Variants in ECT2L observed in about 807,000 individuals in gnomAD.
The protein encoded by ECT2L is epithelial cell-transforming sequence 2 oncogene-like.
Under a neutral mutation model 122.8 loss-of-function variants are expected in ECT2L, and 126 were observed. That is an observed-to-expected ratio of 1.03 (90% CI 0.89 to 1.19). The LOEUF is 1.19. ECT2L is among the 50% of genes most tolerant of loss of function. ECT2L has a pLI of 0.00. For missense variants in ECT2L, 1,012 were observed against 1,064.1 expected (o/e 0.95, Z 0.68); for synonymous variants, 385 against 381.8 (o/e 1.01, Z -0.10).
Position 138,902,550 on chromosome 6 carries a change from G to A in ECT2L, c.2638G>A (p.Ala880Thr), listed in dbSNP as rs746506729. Residue 880 changes from alanine (A) to threonine (T), a missense_variant, in exon 22 of 22, where the codon GCT becomes ACT. By Grantham distance (58) the Ala-to-Thr change is moderately conservative (BLOSUM62 0). Coordinates refer to ENST00000541398, the MANE Select transcript of ECT2L (RefSeq NM_001077706.3). ...LQGPKYKWIC[A>T]TEIEDDKFLW... is the part of the protein sequence containing the mutation. The stretch of plus-strand genomic sequence containing the variant: ...GGGTCCAAAATATAAATGGATTTGT[G>A]CTACAGAAATAGAGGATGATAAGTT... The A allele has an allele frequency of 7.7e-5, 125 of 1,613,616 alleles. No homozygotes were observed. The highest frequency in any genetic ancestry group is 1.0e-4 in the Non-Finnish European group (122 of 1,179,770).
chr6:138,797,311 T>C (rs1357041069), intron 1 of ECT2L, among the ~76,000 whole-genome samples: 1 of 152,226 alleles, frequency 6.6e-6, no homozygotes, highest in East Asian at 1.9e-4. Context: ...TAGAACCAGA[T>C]ACCTTTTTGG....
chr6:138,865,514 C>T (rs1778004191), intron 12 of ECT2L, among the ~76,000 whole-genome samples: 1 of 152,138 alleles, frequency 6.6e-6, no homozygotes, highest in African/African-American at 2.4e-5. Flanking sequence ...GAAAGTTAAG[C>T]GCCTCTTATA....
intron 13 of ECT2L, among the ~76,000 whole-genome samples, chr6:138,876,065 G>A (rs962680392): frequency 9.2e-5 from 14 of 152,142 alleles, no homozygotes; most frequent in African/African-American, 3.4e-4. Context: ...GTTGCAGTGA[G>A]CCGAGATTGT....
At chr6:138,836,762 T>C (rs991650144) in intron 4 of ECT2L, among the ~76,000 whole-genome samples, 1 of 152,160 alleles carries the variant, frequency 6.6e-6, no homozygotes, top group African/African-American at 2.4e-5. Context: ...ACGCCTGTTT[T>C]ATTCAATAGG....
chr6:138,838,512 C>A lies in ECT2L; in HGVS notation c.340C>A (p.Gln114Lys). The A allele has an allele frequency of 6.2e-7, 1 of 1,610,506 alleles. No homozygotes were observed. Among genetic ancestry groups the A allele is most frequent in the Non-Finnish European group, 8.5e-7 (1 of 1,178,720 alleles). The change falls in exon 5 of 22, where the codon CAG (glutamine) becomes AAG (lysine). Residue 114 changes from glutamine (Q) to lysine (K), a missense_variant and splice_region_variant. Coordinates refer to ENST00000541398, the MANE Select transcript of ECT2L (RefSeq NM_001077706.3). ...CTGGCCCTGGAAGTTTTTAACTGAA[C>A]AGGTTTACTATTTGCCACTTCCTAG... ...VSWPWKFLTE[Q>K]DCLWMPKCVK...
chr6:138,836,495 C>G (rs753048767), intron 4 of ECT2L, among the ~76,000 whole-genome samples: 10 of 151,952 alleles, frequency 6.6e-5, no homozygotes, highest in Non-Finnish European at 1.3e-4. Context: ...ACCACATTGG[C>G]CAGGCTGGTT....
chr6:138,807,489 C>T (rs1011288751), intron 1 of ECT2L, among the ~76,000 whole-genome samples: 3 of 152,084 alleles, frequency 2.0e-5, no homozygotes, highest in Non-Finnish European at 2.9e-5. Flanking sequence ...TACATAATGC[C>T]GGTCATCTTC....
rs988150488 is a variant in ECT2L at position 138,892,158 on chromosome 6, CT to C, written c.2414+3133del. 1.3e-5 allele frequency among the ~76,000 whole-genome samples: 2 copies of C among 152,126 alleles called. 1 individual carries two copies. The highest frequency in any genetic ancestry group is 2.9e-5 in the Non-Finnish European group (2 of 68,034). The stretch of plus-strand genomic sequence containing the variant: ...CCGATACCCCTACTTTGTCCCTGGT[CT>C]TTTTTCTGCTTTTCAGCTTGGTAAG... On this transcript the variant is annotated intron_variant, in intron 20 of 21. Coordinates refer to ENST00000541398, the MANE Select transcript of ECT2L (RefSeq NM_001077706.3).
chr6:138,798,600 C>T (rs1189425213), intron 1 of ECT2L, among the ~76,000 whole-genome samples: 1 of 152,142 alleles, frequency 6.6e-6, no homozygotes, highest in African/African-American at 2.4e-5. Context: ...CAGGCCCCAT[C>T]CTTCTTTTGA....
chr6:138,811,359 C>A (rs1331648223), intron 1 of ECT2L, among the ~76,000 whole-genome samples: 1 of 152,222 alleles, frequency 6.6e-6, no homozygotes, highest in Non-Finnish European at 1.5e-5. Context: ...AGACTGCAGT[C>A]CCCGCAAACA....
At chr6:138,871,008 C>T (rs971956848) in intron 13 of ECT2L, among the ~76,000 whole-genome samples, 3 of 152,082 alleles carry the variant, frequency 2.0e-5, no homozygotes, top group African/African-American at 7.2e-5. Context: ...GCCAAGATCG[C>T]ACCACTTTAC....
At chr6:138,810,702 T>C (rs1346261380) in intron 1 of ECT2L, among the ~76,000 whole-genome samples, 1 of 152,156 alleles carries the variant, frequency 6.6e-6, no homozygotes, top group Non-Finnish European at 1.5e-5. Flanking sequence ...TCATCCTTCT[T>C]TAAGAATGGG....
rs201270230 is a variant in ECT2L at position 138,868,138 on chromosome 6, A to G, written c.1510A>G (p.Ile504Val). 2,188 of 1,613,316 alleles carry G rather than the reference A, an allele frequency of 1.4e-3. 54 individuals carry two copies. In the South Asian group the frequency reaches 0.022, roughly 16 times the overall value. ...FMFDTMGMTN[I>V]LNNQDTAQAL... is the part of the protein sequence containing the mutation. ...GTTTGACACCATGGGTATGACCAACATTCTAAACAACCAAGATACTGCGCA... is the reference window on the plus strand; with the variant it reads ...GTTTGACACCATGGGTATGACCAACGTTCTAAACAACCAAGATACTGCGCA... The change falls in exon 13 of 22, where the codon ATT becomes GTT. Residue 504 changes from isoleucine (I) to valine (V), a missense_variant. Transcript: ENST00000541398.
intron 20 of ECT2L, among the ~76,000 whole-genome samples, chr6:138,890,451 G>A (rs1261776018): frequency 7.6e-6 from 1 of 132,230 alleles, no homozygotes; most frequent in Non-Finnish European, 1.6e-5. Flanking sequence ...CACACAATAT[G>A]TCACTTTTCT....
chr6:138,865,376 G>A (rs1359579129), intron 12 of ECT2L, among the ~76,000 whole-genome samples, 198 bp downstream of exon 12: 1 of 152,088 alleles, frequency 6.6e-6, no homozygotes, highest in Non-Finnish European at 1.5e-5. Flanking sequence ...GGTTCAAAAT[G>A]TTGAAGCTCG....
chr6:138,861,190 C>T lies in ECT2L; in HGVS notation c.1199-1437C>T, dbSNP rs1438871550. 1.3e-5 allele frequency among the ~76,000 whole-genome samples: 2 copies of T among 152,230 alleles called. 1 individual carries two copies. Among genetic ancestry groups the T allele is most frequent in the South Asian group, 4.1e-4 (2 of 4,826 alleles). ...TGTAAATAGTGCTGCAATAAACATA[C>T]ATGTTCATGTGTCTTTATACTAGAA... On this transcript the variant is annotated intron_variant, in intron 10 of 21. Coordinates refer to ENST00000541398, the MANE Select transcript of ECT2L (RefSeq NM_001077706.3).
At chr6:138,875,336 C>T (rs1778401961) in intron 13 of ECT2L, among the ~76,000 whole-genome samples, 1 of 152,212 alleles carries the variant, frequency 6.6e-6, no homozygotes, top group South Asian at 2.1e-4. Flanking sequence ...TGTGGCATCT[C>T]CAAAATAAAA....
intron 21 of ECT2L, among the ~76,000 whole-genome samples, chr6:138,901,400 A>G (rs1410125140): frequency 1.3e-5 from 2 of 152,242 alleles, no homozygotes; most frequent in Non-Finnish European, 2.9e-5. Context: ...TCTTTGAAGC[A>G]GTGACATGAG....
At chr6:138,802,693 A>G (rs1486595112) in intron 1 of ECT2L, among the ~76,000 whole-genome samples, 1 of 152,216 alleles carries the variant, frequency 6.6e-6, no homozygotes, top group Non-Finnish European at 1.5e-5. Context: ...AGGAAAAGAA[A>G]TTATTCCATT....
Sources: allele counts gnomAD v4.1 joint callset (sites outside exome capture counted in the v4.1 genomes callset), GRCh38; gene constraint gnomAD v4.1.1; transcripts MANE v1.5; gene names NCBI Gene and HGNC (gene_info 2026-07-23, HGNC 2026-07-21).